PTPRO: variants seen among roughly 807,000 people sequenced by gnomAD.
The protein encoded by PTPRO is receptor-type tyrosine-protein phosphatase O.
Under a neutral mutation model 145.2 loss-of-function variants are expected in PTPRO, and 62 were observed. That is an observed-to-expected ratio of 0.43 (90% CI 0.35 to 0.53). PTPRO has a LOEUF of 0.53. PTPRO is among the 20% of genes least tolerant of loss of function. The pLI, the probability that PTPRO is intolerant of heterozygous loss-of-function variation, is 0.01. For missense variants in PTPRO, 1,345 were observed against 1,482.7 expected, an observed-to-expected ratio of 0.91 and a Z score of 1.53; for synonymous variants, 565 against 514.7, an observed-to-expected ratio of 1.10 and a Z score of -1.32.
At chr12:15,504,529 G>C (rs1201378108) in intron 6 of PTPRO, among the ~76,000 whole-genome samples, 1 of 152,202 alleles carries the variant, frequency 6.6e-6, no homozygotes, top group Non-Finnish European at 1.5e-5. Flanking sequence ...GGTGGGAAAA[G>C]TCATAGCTAG....
intron 1 of PTPRO, among the ~76,000 whole-genome samples, chr12:15,373,086 T>C (rs1481039830): frequency 6.6e-6 from 1 of 152,128 alleles, no homozygotes; most frequent in African/African-American, 2.4e-5. Flanking sequence ...TGAAAATACA[T>C]GGAAAAATTA....
In PTPRO at chr12:15,499,606, G is replaced by A; in HGVS notation, c.661+12G>A. On this transcript the variant is annotated intron_variant, in intron 4 of 26. Transcript: ENST00000281171. ...ACAGCACAGAACTGGTAAGTCTCCTGAAGAATCAAATACAGTGAAAAAATA... is the reference window on the plus strand; with the variant it reads ...ACAGCACAGAACTGGTAAGTCTCCTAAAGAATCAAATACAGTGAAAAAATA... The A allele has an allele frequency of 6.2e-7, 1 of 1,609,306 alleles. No homozygotes were observed. Among genetic ancestry groups the A allele is most frequent in the Non-Finnish European group, 8.5e-7 (1 of 1,175,830 alleles).
At chr12:15,452,081 A>G (rs1941060918) in intron 1 of PTPRO, among the ~76,000 whole-genome samples, 1 of 152,172 alleles carries the variant, frequency 6.6e-6, no homozygotes, top group African/African-American at 2.4e-5. Context: ...GATAAATAAA[A>G]CTGATAGACC....
At chr12:15,367,998 C>A (rs1454374249) in intron 1 of PTPRO, among the ~76,000 whole-genome samples, 1 of 152,234 alleles carries the variant, frequency 6.6e-6, no homozygotes, top group African/African-American at 2.4e-5. Context: ...GCTTACTTTA[C>A]TCATTTAATC....
chr12:15,462,234 C>T (rs1171424973), intron 1 of PTPRO, among the ~76,000 whole-genome samples: 2 of 152,174 alleles, frequency 1.3e-5, no homozygotes, highest in Admixed American at 6.5e-5. Context: ...AAGTGGTTCT[C>T]CTGCCTCAGT....
chr12:15,591,076 A>G (rs1944540549), intron 25 of PTPRO, among the ~76,000 whole-genome samples: 1 of 152,134 alleles, frequency 6.6e-6, no homozygotes. Context: ...TTACAACTTC[A>G]TAGATTTTGG....
intron 1 of PTPRO, among the ~76,000 whole-genome samples, chr12:15,396,315 C>T (rs1438593228): frequency 6.6e-6 from 1 of 151,994 alleles, no homozygotes; most frequent in Non-Finnish European, 1.5e-5. Context: ...TTGTGTTGCA[C>T]TTGTGTCTTT....
chr12:15,533,041 G>A (rs535988545), intron 12 of PTPRO, among the ~76,000 whole-genome samples: 16 of 152,258 alleles, frequency 1.1e-4, no homozygotes, highest in South Asian at 4.2e-4. Context: ...CATCATGGTC[G>A]AAGGTGCCTC....
chr12:15,322,805 G>A lies in PTPRO; in HGVS notation c.75+4G>A, dbSNP rs1866335713. On this transcript the variant is annotated splice_donor_region_variant and intron_variant, in intron 1 of 26. Coordinates refer to ENST00000281171, the MANE Select transcript of PTPRO (RefSeq NM_030667.3). This position sits in a 1 kb window ranked among gnomAD's most constrained non-coding sequence, Gnocchi z 6.3. ...CTGGCTCTTTGTGCTGTTCAAGGTA[G>A]GGGAGCTCCTCCACCCCTTTTTCCC... 2 of 1,611,426 alleles carry A rather than the reference G, an allele frequency of 1.2e-6. No homozygotes were observed. The highest frequency in any genetic ancestry group is 1.7e-6 in the Non-Finnish European group (2 of 1,179,124).
At chr12:15,546,255 A>C in intron 12 of PTPRO, 3 of 951,246 alleles carry the variant, frequency 3.2e-6, no homozygotes, top group Non-Finnish European at 3.9e-6. Context: ...CTGTATTATC[A>C]GGGCAATGCT....
At chr12:15,428,471 A>T (rs1940343298) in intron 1 of PTPRO, among the ~76,000 whole-genome samples, 1 of 152,124 alleles carries the variant, frequency 6.6e-6, no homozygotes, top group South Asian at 2.1e-4. Context: ...CTTTACTGTG[A>T]CATAATTCAG....
chr12:15,332,147 A>G (rs1591707895), intron 1 of PTPRO, among the ~76,000 whole-genome samples: 1 of 151,958 alleles, frequency 6.6e-6, no homozygotes, highest in Non-Finnish European at 1.5e-5. Flanking sequence ...TTGTATTTTT[A>G]GTAGAGACAG....
chr12:15,501,824 G>A lies in PTPRO; in HGVS notation c.866G>A (p.Ser289Asn). ...TCCGGTTGGCCTGATTTTAATAGCA[G>A]TGACTATGAAACTACGTCTCAGCCA... ...ISSGWPDFNS[S>N]DYETTSQPYW... Residue 289 changes from serine to asparagine, a missense_variant, in exon 5 of 27, where the codon AGT becomes AAT. Ser to Asn is a conservative substitution (Grantham distance 46, BLOSUM62 1). Around this residue, in one of 3 missense-constraint regions of PTPRO, gnomAD observed 1,130 missense variants for 1,214.7 expected, o/e 0.93. Coordinates refer to ENST00000281171, the MANE Select transcript of PTPRO (RefSeq NM_030667.3). 2 of 1,614,070 alleles carry A rather than the reference G, an allele frequency of 1.2e-6. No individual in the cohort carries two copies. Among genetic ancestry groups the A allele is most frequent in the Non-Finnish European group, 1.7e-6 (2 of 1,179,990 alleles).
At chr12:15,494,309 A>G (rs962058867) in intron 2 of PTPRO, among the ~76,000 whole-genome samples, 1 of 152,226 alleles carries the variant, frequency 6.6e-6, no homozygotes, top group African/African-American at 2.4e-5. Flanking sequence ...CAGGCTGGTC[A>G]TAAGAAAAAA....
intron 1 of PTPRO, among the ~76,000 whole-genome samples, chr12:15,406,332 C>T (rs1241216443): frequency 1.3e-5 from 2 of 152,084 alleles, no homozygotes; most frequent in Non-Finnish European, 2.9e-5. Flanking sequence ...TTTCTGTAAG[C>T]CCAGAAAAGA....
chr12:15,500,474 T>C (rs76793991), intron 4 of PTPRO, among the ~76,000 whole-genome samples: 1 of 152,330 alleles, frequency 6.6e-6, no homozygotes, highest in African/African-American at 2.4e-5. Flanking sequence ...TACTGAGACA[T>C]GAAGACAAAG....
intron 1 of PTPRO, chr12:15,440,196 T>C (rs902297042): frequency 1.3e-5 from 9 of 674,224 alleles, no homozygotes; most frequent in African/African-American, 1.3e-4. Context: ...TGCTACACCT[T>C]AGCCAGGGGC....
chr12:15,532,735 G>T (rs1413421301), intron 12 of PTPRO, among the ~76,000 whole-genome samples: 1 of 152,136 alleles, frequency 6.6e-6, no homozygotes, highest in Non-Finnish European at 1.5e-5. Flanking sequence ...GAAAAAAGTT[G>T]CCTGTCTACC....
intron 6 of PTPRO, among the ~76,000 whole-genome samples, chr12:15,505,033 G>A (rs1942294138): frequency 6.6e-6 from 1 of 152,186 alleles, no homozygotes; most frequent in Non-Finnish European, 1.5e-5. Flanking sequence ...TGTCTTTCAA[G>A]TGTGAGAGAC....
Sources: gnomAD v4.1 joint callset for allele counts (sites outside exome capture counted in the v4.1 genomes callset) on GRCh38, gnomAD v4.1.1 for gene constraint, gnomAD v4.1.1 regional missense constraint, Gnocchi (gnomAD v3.1) non-coding constraint, MANE v1.5 for transcripts, NCBI Gene and HGNC (gene_info 2026-07-23, HGNC 2026-07-21) for gene names.